MECOM: variants seen among roughly 807,000 people sequenced by gnomAD.
MECOM encodes the protein MDS1 and EVI1 complex locus, also known as histone-lysine N-methyltransferase MECOM.
A neutral mutation model predicts 116.3 loss-of-function variants in MECOM; 13 were observed. That is an observed-to-expected ratio of 0.11 (90% CI 0.07 to 0.18). MECOM has a LOEUF of 0.18. MECOM is among the 10% of genes least tolerant of loss of function. MECOM has a pLI of 1.00. For synonymous variants in MECOM, 528 were observed against 535.2 expected, an observed-to-expected ratio of 0.99 and a Z score of 0.19; for missense variants, 1,299 against 1,509.0, an observed-to-expected ratio of 0.86 and a Z score of 2.31.
intron 2 of MECOM, among the ~76,000 whole-genome samples, chr3:169,267,606 C>T (rs1409046670): frequency 6.6e-6 from 1 of 152,066 alleles, no homozygotes; most frequent in East Asian, 1.9e-4. Context: ...TGTTTGACAG[C>T]CCTGGGCAAG....
intron 2 of MECOM, among the ~76,000 whole-genome samples, chr3:169,288,857 T>C (rs1352104772): frequency 3.9e-5 from 6 of 152,204 alleles, no homozygotes; most frequent in African/African-American, 1.4e-4. Context: ...TTGCATAAAG[T>C]TGCCTCAAGG....
chr3:169,183,663 A>G (rs1559963167), intron 2 of MECOM, among the ~76,000 whole-genome samples: 1 of 151,852 alleles, frequency 6.6e-6, no homozygotes, highest in African/African-American at 2.4e-5. Context: ...TAGAAATATA[A>G]GAGCCACTCC....
At chr3:169,366,862 G>C (rs1188267037) in intron 2 of MECOM, among the ~76,000 whole-genome samples, 1 of 152,032 alleles carries the variant, frequency 6.6e-6, no homozygotes, top group Non-Finnish European at 1.5e-5. Context: ...CATCTCCCAT[G>C]GGTCTGTGAC....
chr3:169,369,395 G>C (rs896757661), intron 2 of MECOM, among the ~76,000 whole-genome samples: 1 of 138,750 alleles, frequency 7.2e-6, no homozygotes, highest in African/African-American at 2.8e-5. Context: ...TGCCCAGGCT[G>C]GAATGCATTA....
Position 169,146,074 on chromosome 3 carries a change from A to C in MECOM, c.376-2242T>G, listed in dbSNP as rs188474711. On this transcript the variant is annotated intron_variant, in intron 2 of 16. Coordinates refer to ENST00000651503, the MANE Select transcript of MECOM (RefSeq NM_004991.4). ...AAATCTCGAATAAAATAAAGTAACG[A>C]CACATCTTCAGTCATTTCATATAAC... 11 of 263,158 alleles carry C rather than the reference A, an allele frequency of 4.2e-5. No individual in the cohort carries two copies. In the Admixed American group the frequency reaches 6.0e-4, roughly 14 times the overall value. The allele number at this position is 263,158 out of a possible 1,614,324, so 16.3% of individuals were successfully genotyped here. A position where few individuals can be genotyped will look rare whatever the true frequency, so the allele number is the denominator to read the frequency against.
At position 169,251,137 on chromosome 3, in the gene MECOM, A is replaced by C. The variant is rs192835004; in HGVS notation, c.376-107305T>G. ...TTTTAACATTTCTATTCTTAAGAAA[A>C]GAGTATCAAGAAAGTTCTAAGAGTG... On this transcript the variant is annotated intron_variant, in intron 2 of 16. Transcript: ENST00000651503. 1.4e-4 allele frequency among the ~76,000 whole-genome samples: 22 copies of C among 152,330 alleles called. No individual in the cohort carries two copies. In the East Asian group the frequency reaches 3.7e-3, roughly 25 times the overall value.
At chr3:169,203,765 A>T (rs1292989224) in intron 2 of MECOM, among the ~76,000 whole-genome samples, 2 of 152,098 alleles carry the variant, frequency 1.3e-5, no homozygotes, top group Non-Finnish European at 2.9e-5. Context: ...GAACGGCTTC[A>T]GTTGCTGTCA....
At chr3:169,121,390 T>C (rs1279584009) in intron 6 of MECOM, among the ~76,000 whole-genome samples, 181 bp from the exon 7 acceptor site, 1 of 152,226 alleles carries the variant, frequency 6.6e-6, no homozygotes, top group Non-Finnish European at 1.5e-5. Flanking sequence ...GAACTGTAAA[T>C]TATTCTGCTC....
chr3:169,588,878 T>C (rs1208358756), intron 1 of MECOM, among the ~76,000 whole-genome samples: 2 of 152,120 alleles, frequency 1.3e-5, no homozygotes, highest in Non-Finnish European at 1.5e-5. Context: ...TTAAAAGCAC[T>C]GGACTCTCAG....
intron 2 of MECOM, among the ~76,000 whole-genome samples, chr3:169,294,803 G>A (rs1357708982): frequency 2.6e-5 from 4 of 152,142 alleles, no homozygotes; most frequent in East Asian, 1.9e-4. Flanking sequence ...TCTCCAGTAC[G>A]TCCTGACTGT....
chr3:169,276,888 G>A (rs1759649702), intron 2 of MECOM, among the ~76,000 whole-genome samples: 3 of 152,192 alleles, frequency 2.0e-5, no homozygotes, highest in African/African-American at 4.8e-5. Context: ...TAGCAAGTGC[G>A]TAGCACAGAG....
chr3:169,379,159 A>AG (rs1196600661), intron 2 of MECOM, among the ~76,000 whole-genome samples: 2 of 151,126 alleles, frequency 1.3e-5, no homozygotes, highest in Non-Finnish European at 3.0e-5. Context: ...AGATTAAAAG[A>AG]GAAAAAAAAA....
At chr3:169,575,405 C>T (rs1343303307) in intron 1 of MECOM, among the ~76,000 whole-genome samples, 1 of 152,092 alleles carries the variant, frequency 6.6e-6, no homozygotes, top group African/African-American at 2.4e-5. Flanking sequence ...TGAAAAAGAC[C>T]AGGCACTCCG....
chr3:169,131,581 T>C, intron 3 of MECOM, 50 bp from the exon 4 acceptor site: 1 of 1,447,790 alleles, frequency 6.9e-7, no homozygotes, highest in Non-Finnish European at 9.5e-7. Context: ...GAGAGATGTA[T>C]ATATATTAAC....
chr3:169,330,371 G>T (rs1017839904), intron 2 of MECOM, among the ~76,000 whole-genome samples: 2 of 152,150 alleles, frequency 1.3e-5, no homozygotes, highest in African/African-American at 4.8e-5. Flanking sequence ...GGACAAAGAA[G>T]AGGGAAAGTC....
intron 1 of MECOM, among the ~76,000 whole-genome samples, chr3:169,485,903 G>T (rs1456009454): frequency 8.6e-6 from 1 of 116,280 alleles, no homozygotes; most frequent in East Asian, 3.3e-4. Flanking sequence ...AGTATATATA[G>T]TATATATGTA....
intron 1 of MECOM, among the ~76,000 whole-genome samples, chr3:169,620,221 A>G (rs1226038984): frequency 6.6e-6 from 1 of 152,226 alleles, no homozygotes; most frequent in Non-Finnish European, 1.5e-5. Flanking sequence ...TTGGTTTTCA[A>G]CAGGTTTATT....
chr3:169,378,772 C>T (rs1045749783), intron 2 of MECOM, among the ~76,000 whole-genome samples: 5 of 151,758 alleles, frequency 3.3e-5, no homozygotes, highest in Non-Finnish European at 5.9e-5. Context: ...AGAGCAAGGG[C>T]CCTACTAGAG....
At chr3:169,334,491 G>A (rs1723275337) in intron 2 of MECOM, among the ~76,000 whole-genome samples, 1 of 152,230 alleles carries the variant, frequency 6.6e-6, no homozygotes, top group Admixed American at 6.5e-5. Flanking sequence ...GATGGGCCTT[G>A]GGGATCAGAA....
Sources: allele counts gnomAD v4.1 joint callset (sites outside exome capture counted in the v4.1 genomes callset), GRCh38; gene constraint gnomAD v4.1.1; transcripts MANE v1.5; gene names NCBI Gene and HGNC (gene_info 2026-07-23, HGNC 2026-07-21).